The following MPPED2 variants were observed in gnomAD, a reference collection of about 807,000 sequenced individuals.
MPPED2 encodes the protein metallophosphoesterase MPPED2.
A neutral mutation model predicts 33.0 loss-of-function variants in MPPED2; 5 were observed. The observed-to-expected ratio is 0.15, with a 90% CI of 0.08 to 0.32. MPPED2 has a LOEUF of 0.32. Ranked by LOEUF, MPPED2 falls within the 10% of genes least tolerant of loss-of-function variation. The probability of loss-of-function intolerance (pLI) is 1.00; values close to 1 mark genes in which losing one functional copy is unlikely to be tolerated. For synonymous variants in MPPED2, 136 were observed against 141.9 expected, an observed-to-expected ratio of 0.96 and a Z score of 0.29; for missense variants, 275 against 372.1, an observed-to-expected ratio of 0.74 and a Z score of 2.15.
intron 4 of MPPED2, among the ~76,000 whole-genome samples, chr11:30,464,332 A>G (rs927394023): frequency 6.6e-6 from 1 of 151,772 alleles, no homozygotes; most frequent in Non-Finnish European, 1.5e-5. Flanking sequence ...TTTCAATTTT[A>G]AAAAATTTAA....
chr11:30,462,275 C>G (rs1950541753), intron 4 of MPPED2, among the ~76,000 whole-genome samples: 2 of 152,022 alleles, frequency 1.3e-5, no homozygotes, highest in Admixed American at 1.3e-4. Flanking sequence ...CTGAAAACAG[C>G]AAAAAGCAAA....
intron 2 of MPPED2, among the ~76,000 whole-genome samples, chr11:30,558,579 C>CTT (rs761109130): frequency 4.3e-5 from 6 of 141,088 alleles, no homozygotes; most frequent in African/African-American, 1.0e-4. Context: ...CCACACTCAG[C>CTT]TTTTTTTTTT....
intron 2 of MPPED2, among the ~76,000 whole-genome samples, chr11:30,574,274 G>A (rs1397643459): frequency 6.6e-6 from 1 of 151,920 alleles, no homozygotes; most frequent in East Asian, 1.9e-4. Context: ...TCTGTGTTTA[G>A]ATATATTTAG....
intron 3 of MPPED2, among the ~76,000 whole-genome samples, chr11:30,500,924 G>A (rs968042194): frequency 6.6e-6 from 1 of 152,140 alleles, no homozygotes. Context: ...CTATGGTAAG[G>A]TTTAAGCCAA....
intron 6 of MPPED2, among the ~76,000 whole-genome samples, chr11:30,397,716 T>A (rs754701699): frequency 6.6e-6 from 1 of 152,152 alleles, no homozygotes; most frequent in Non-Finnish European, 1.5e-5. Context: ...ATTTTAATGA[T>A]GAAGAAACAG....
At chr11:30,465,969 C>T (rs1016680347) in intron 4 of MPPED2, among the ~76,000 whole-genome samples, 1 of 152,194 alleles carries the variant, frequency 6.6e-6, no homozygotes, top group Non-Finnish European at 1.5e-5. Context: ...ATAGTAATTA[C>T]AAGGCCTTCC....
intron 3 of MPPED2, among the ~76,000 whole-genome samples, chr11:30,514,075 C>T (rs1381416644): frequency 1.3e-5 from 2 of 152,192 alleles, no homozygotes; most frequent in Non-Finnish European, 2.9e-5. Context: ...CCCCACCTTT[C>T]CTCAATAGCA....
At chr11:30,448,070 T>A (rs142827285) in intron 4 of MPPED2, among the ~76,000 whole-genome samples, 1 of 152,328 alleles carries the variant, frequency 6.6e-6, no homozygotes, top group East Asian at 1.9e-4. Flanking sequence ...AATCCCTGTC[T>A]GTTGTCACCA....
intron 4 of MPPED2, among the ~76,000 whole-genome samples, chr11:30,455,455 G>T (rs1046949242): frequency 2.0e-5 from 3 of 152,220 alleles, no homozygotes; most frequent in Non-Finnish European, 2.9e-5. Flanking sequence ...AAGAAAAAAG[G>T]CTGCCTTCTG....
At chr11:30,459,914 G>A (rs1037797435) in intron 4 of MPPED2, among the ~76,000 whole-genome samples, 1 of 152,190 alleles carries the variant, frequency 6.6e-6, no homozygotes, top group African/African-American at 2.4e-5. Context: ...AAAGGAAATG[G>A]CTTGAACTAT....
At chr11:30,549,946 T>A (rs899271275) in intron 2 of MPPED2, among the ~76,000 whole-genome samples, 4 of 152,180 alleles carry the variant, frequency 2.6e-5, no homozygotes, top group Non-Finnish European at 4.4e-5. Flanking sequence ...CAAGGGGGCA[T>A]GTTAAGTTCA....
chr11:30,420,065 C>T (rs549297087), intron 4 of MPPED2, among the ~76,000 whole-genome samples: 4 of 152,140 alleles, frequency 2.6e-5, no homozygotes, highest in Non-Finnish European at 5.9e-5. Context: ...TGTCTACATC[C>T]TAATACCTGG....
downstream of MPPED2, among the ~76,000 whole-genome samples, chr11:30,406,620 T>C (rs903558773): frequency 8.5e-5 from 13 of 152,150 alleles, no homozygotes; most frequent in African/African-American, 2.7e-4. Context: ...CATCCTGCTA[T>C]TGAATGCAAG....
chr11:30,445,200 CG>C (rs35046455), intron 4 of MPPED2, among the ~76,000 whole-genome samples: 38,759 of 142,826 alleles, frequency 0.27, 5,516 homozygotes, highest in Non-Finnish European at 0.34. Context: ...GGAGACTCCC[CG>C]GGCTGAGGAA....
Position 30,583,134 on chromosome 11 carries a change from C to CTTTTTTTCTTTTTTT in MPPED2, c.-121-2641_-121-2640insAAAAAAAGAAAAAAA, listed in dbSNP as rs1554919022. ...CACAAACACCTGGAAAAGACTTTTT[C>CTTTTTTTCTTTTTTT]TTTTTTTTTTTTTTTTTTTTTTTTT... is the stretch of plus-strand genomic sequence containing the variant. On this transcript the variant is annotated intron_variant, in intron 1 of 6. Coordinates refer to ENST00000358117, the MANE Select transcript of MPPED2 (RefSeq NM_001584.3). 5.3e-3 allele frequency among the ~76,000 whole-genome samples: 511 copies of CTTTTTTTCTTTTTTT among 96,542 alleles called. 29 individuals carry two copies. Among genetic ancestry groups the CTTTTTTTCTTTTTTT allele is most frequent in the Non-Finnish European group, 7.4e-3 (373 of 50,438 alleles). 63.3% of individuals were successfully genotyped at this position (96,542 alleles called of 152,430 possible).
intron 2 of MPPED2, 78 bp from the exon 3 acceptor site, chr11:30,536,253 T>C (rs1421334168): frequency 1.6e-6 from 2 of 1,270,882 alleles, no homozygotes; most frequent in Non-Finnish European, 2.1e-6. Context: ...TACATATTTA[T>C]TATTATTCGT....
At chr11:30,483,425 C>G (rs1002027742) in intron 4 of MPPED2, among the ~76,000 whole-genome samples, 6 of 152,066 alleles carry the variant, frequency 3.9e-5, no homozygotes, top group African/African-American at 1.4e-4. Context: ...CACAAATGAA[C>G]CCTATGAGTT....
chr11:30,388,737 C>G, exon 7 of MPPED2: 5 of 1,052,016 alleles, frequency 4.8e-6, no homozygotes, highest in Non-Finnish European at 5.1e-6. Context: ...CTGTCGCCTC[C>G]TCCTCATGCC....
chr11:30,468,186 T>A (rs1039853254), intron 4 of MPPED2, among the ~76,000 whole-genome samples: 19 of 150,748 alleles, frequency 1.3e-4, no homozygotes, highest in African/African-American at 3.4e-4. Flanking sequence ...TTTATCCTCA[T>A]CCTAAACAAG....
Sources: allele counts gnomAD v4.1 joint callset (sites outside exome capture counted in the v4.1 genomes callset), GRCh38; gene constraint gnomAD v4.1.1; transcripts MANE v1.5; gene names NCBI Gene and HGNC (gene_info 2026-07-23, HGNC 2026-07-21).